Variants in RSF1 observed in about 807,000 individuals in gnomAD.
RSF1 encodes the protein HBV pX-associated protein 8.
A neutral mutation model predicts 145.2 loss-of-function variants in RSF1; 13 were observed. That is an observed-to-expected ratio of 0.09 (90% CI 0.06 to 0.14). The LOEUF is 0.14. Among genes scored for constraint, RSF1 ranks in the 10% least tolerant of loss-of-function variants. The pLI, the probability that RSF1 is intolerant of heterozygous loss-of-function variation, is 1.00. For missense variants in RSF1, 1,517 were observed against 1,718.2 expected (o/e 0.88, Z 2.07); for synonymous variants, 577 against 592.6 (o/e 0.97, Z 0.38).
In RSF1 at chr11:77,661,380, A is replaced by T. The variant is rs929234498; in HGVS notation, c.*5537T>A. 2 of 152,026 alleles carry T rather than the reference A, an allele frequency of 1.3e-5. No homozygotes were observed. Among genetic ancestry groups the T allele is most frequent in the Admixed American group, 6.6e-5 (1 of 15,238 alleles). 9.4% of individuals were successfully genotyped at this position (152,026 alleles called of 1,614,324 possible). A position where few individuals can be genotyped will look rare whatever the true frequency, so the allele number is the denominator to read the frequency against. On this transcript the variant is annotated 3_prime_UTR_variant, in exon 16 of 16. Coordinates refer to ENST00000308488, the MANE Select transcript of RSF1 (RefSeq NM_016578.4). ...TGTAAGAATATGCTGTTAACAGCCA[A>T]ATCTGGGCTACTGTAGCTGTTCTGA...
At chr11:77,705,814 C>T (rs1960534358) in intron 5 of RSF1, among the ~76,000 whole-genome samples, 1 of 151,664 alleles carries the variant, frequency 6.6e-6, no homozygotes, top group African/African-American at 2.4e-5. Context: ...CTATGACTCA[C>T]TACATTCTTG....
intron 1 of RSF1, among the ~76,000 whole-genome samples, chr11:77,801,187 G>C (rs184633983): frequency 1.3e-5 from 2 of 152,110 alleles, no homozygotes; most frequent in African/African-American, 4.8e-5. Flanking sequence ...CAGCACTTTG[G>C]GACACCAAGG....
At chr11:77,761,201 A>G (rs960169207) in intron 2 of RSF1, among the ~76,000 whole-genome samples, 3 of 152,242 alleles carry the variant, frequency 2.0e-5, no homozygotes, top group African/African-American at 7.2e-5. Flanking sequence ...GGCCTCCCAA[A>G]GTGCTGGGAT....
chr11:77,742,514 G>A (rs1381090459), intron 3 of RSF1, among the ~76,000 whole-genome samples: 2 of 152,008 alleles, frequency 1.3e-5, no homozygotes, highest in Non-Finnish European at 2.9e-5. Flanking sequence ...TCTTAACCTC[G>A]TGATCCGCCT....
chr11:77,749,374 G>A (rs924596056), intron 2 of RSF1, among the ~76,000 whole-genome samples: 1 of 152,168 alleles, frequency 6.6e-6, no homozygotes, highest in African/African-American at 2.4e-5. Context: ...GCTATGACCT[G>A]AATGAAGCAC....
intron 2 of RSF1, 122 bp downstream of exon 2, chr11:77,764,476 T>C (rs1590873785): frequency 1.6e-6 from 1 of 622,920 alleles, no homozygotes; most frequent in Admixed American, 3.0e-5. Context: ...ATGTGGATTT[T>C]GGAGCCATAG....
intron 3 of RSF1, among the ~76,000 whole-genome samples, chr11:77,746,388 T>C (rs1948002603): frequency 6.6e-6 from 1 of 152,326 alleles, no homozygotes; most frequent in Middle Eastern, 3.4e-3. Context: ...AATATGTATA[T>C]TGACATTATA....
At chr11:77,773,963 A>C (rs1255152042) in intron 1 of RSF1, among the ~76,000 whole-genome samples, 4 of 152,244 alleles carry the variant, frequency 2.6e-5, no homozygotes, top group Non-Finnish European at 2.9e-5. Flanking sequence ...GACAACAACA[A>C]CAAAAAAGAA....
the RSF1 span, among the ~76,000 whole-genome samples, chr11:77,857,652 C>T: frequency 2.7e-5 from 4 of 150,110 alleles, no homozygotes; most frequent in Non-Finnish European, 5.9e-5. Context: ...CATAGGTATA[C>T]ATGTGCCAGG....
chr11:77,701,671 A>T lies in RSF1; in HGVS notation c.1558T>A (p.Leu520Ile), dbSNP rs1402041625. The change falls in exon 6 of 16, where the codon TTA (leucine) becomes ATA (isoleucine). Residue 520 changes from leucine (L) to isoleucine (I), a missense_variant. Around this residue, in one of 12 missense-constraint regions of RSF1, gnomAD observed 579 missense variants for 553.5 expected, o/e 1.05. Transcript: ENST00000308488. ...TGTGCTTTTTGACTATGGATCTCTAAGACTGATATTGAACTATCTGCATCT... is the reference window on the plus strand; with the variant it reads ...TGTGCTTTTTGACTATGGATCTCTATGACTGATATTGAACTATCTGCATCT... ...RKDADSSISV[L>I]EIHSQKAQIE... 4 of 1,613,946 alleles carry T rather than the reference A, an allele frequency of 2.5e-6. No individual in the cohort carries two copies. Among genetic ancestry groups the T allele is most frequent in the Non-Finnish European group, 3.4e-6 (4 of 1,180,014 alleles).
intron 9 of RSF1, among the ~76,000 whole-genome samples, chr11:77,686,407 T>TGAAAAAAAAAAAAAAAAAA (rs1565148154): frequency 1.0e-4 from 1 of 9,598 alleles, no homozygotes. Flanking sequence ...AGACCCTGTC[T>TGAAAAAAAAAAAAAAAAAA]CAAAAAAAAA....
rs563133304 is a variant in RSF1, at chr11:77,738,190, T to C, written c.578+2541A>G. Among the ~76,000 whole-genome samples the C allele has an allele frequency of 2.6e-5, 4 of 152,180 alleles. 1 individual carries two copies. In the South Asian group the frequency reaches 8.3e-4, roughly 32 times the overall value. ...AAGGTGGAAATAAAAAGAGAAAAGG[T>C]TTATTGAGCATGTATTACAGTGTCA... is the stretch of plus-strand genomic sequence containing the variant. On this transcript the variant is annotated intron_variant, in intron 4 of 15. Coordinates refer to ENST00000308488, the MANE Select transcript of RSF1 (RefSeq NM_016578.4).
At chr11:77,746,460 A>G (rs1173666810) in intron 3 of RSF1, among the ~76,000 whole-genome samples, 1 of 152,238 alleles carries the variant, frequency 6.6e-6, no homozygotes, top group African/African-American at 2.4e-5. Flanking sequence ...ACAAAACATT[A>G]TAAATTTTAG....
intron 15 of RSF1, among the ~76,000 whole-genome samples, chr11:77,670,096 A>T (rs1188619505): frequency 6.6e-6 from 1 of 152,210 alleles, no homozygotes; most frequent in African/African-American, 2.4e-5. Context: ...ACTGCACGCC[A>T]GCCAGGGTGA....
In RSF1 at chr11:77,725,613, T is replaced by C. The variant is rs1961035883; in HGVS notation, c.665A>G (p.Asn222Ser). 6.2e-7 allele frequency: 1 copy of C among 1,611,214 alleles called. No homozygotes were observed. Among genetic ancestry groups the C allele is most frequent in the Non-Finnish European group, 8.5e-7 (1 of 1,178,608 alleles). Residue 222 changes from asparagine (N) to serine (S), a missense_variant, in exon 5 of 16, where the codon AAC becomes AGC. Physicochemically the swap from Asn to Ser is conservative, Grantham distance 46 (BLOSUM62 1). Around this residue, in one of 12 missense-constraint regions of RSF1, gnomAD observed 207 missense variants for 191.4 expected, o/e 1.08. Transcript: ENST00000308488. ...TAAGCTGGGACTTTCCCGAGAAGAGTTGTCTTGTTGGCTAGAGTTTTTCAA... is the reference window on the plus strand; with the variant it reads ...TAAGCTGGGACTTTCCCGAGAAGAGCTGTCTTGTTGGCTAGAGTTTTTCAA... Reference protein sequence around the residue: ...VLLKNSSQQDNSSRESPSLED... With the variant: ...VLLKNSSQQDSSSRESPSLED...
chr11:77,703,323 C>A (rs1025185419), intron 5 of RSF1: 2 of 152,158 alleles, frequency 1.3e-5, no homozygotes, highest in African/African-American at 2.4e-5. Context: ...GATTTAAACA[C>A]AACCAAAGCT....
At chr11:77,871,525 G>C in the RSF1 span, among the ~76,000 whole-genome samples, 52 of 152,298 alleles carry the variant, frequency 3.4e-4, no homozygotes, top group South Asian at 7.5e-3. Context: ...GGGCTAGTAG[G>C]GGGTGGGCAA....
chr11:77,716,452 G>T (rs954537641), intron 5 of RSF1, among the ~76,000 whole-genome samples: 7 of 152,272 alleles, frequency 4.6e-5, no homozygotes, highest in Middle Eastern at 6.8e-3. Flanking sequence ...AACAACGAAA[G>T]AAATCCTGTC....
chr11:77,798,793 TGGACACAG>T (rs1180143349), intron 1 of RSF1, among the ~76,000 whole-genome samples: 1 of 150,142 alleles, frequency 6.7e-6, no homozygotes, highest in East Asian at 2.0e-4. Flanking sequence ...AATGAACACA[TGGACACAG>T]GGAGGCAAAC....
Sources: allele counts gnomAD v4.1 joint callset (sites outside exome capture counted in the v4.1 genomes callset), GRCh38; gene constraint gnomAD v4.1.1; regional missense constraint gnomAD v4.1.1; transcripts MANE v1.5; gene names NCBI Gene and HGNC (gene_info 2026-07-23, HGNC 2026-07-21).